Variants in ASXL1 observed in about 807,000 individuals in gnomAD.
ASXL1 encodes the protein polycomb group protein ASXL1.
In ASXL1, 65 loss-of-function variants were observed where a neutral mutation model predicts 89.1. That is an observed-to-expected ratio of 0.73 (90% CI 0.60 to 0.90). The LOEUF (loss-of-function observed/expected upper bound fraction) is 0.90, where lower values mean the gene tolerates loss of function less well. ASXL1 is among the 40% of genes least tolerant of loss of function. The probability of loss-of-function intolerance (pLI) is 0.00; values close to 1 mark genes in which losing one functional copy is unlikely to be tolerated. For missense variants in ASXL1, 1,786 were observed against 1,942.9 expected, an observed-to-expected ratio of 0.92 and a Z score of 1.52; for synonymous variants, 739 against 746.9, an observed-to-expected ratio of 0.99 and a Z score of 0.17.
Position 32,405,811 on chromosome 20 carries a change from T to C in ASXL1, c.253-22317T>C, listed in dbSNP as rs911504271. ...TAGTGTGTCCTGTCAGGTAGCTCTT[T>C]ATTTCAGTTTTTTCCTATTATTGAT... is the stretch of plus-strand genomic sequence containing the variant. On this transcript the variant is annotated intron_variant, in intron 4 of 12. Transcript: ENST00000375687. Among the ~76,000 whole-genome samples the C allele has an allele frequency of 1.5e-4, 8 of 54,326 alleles. No individual in the cohort carries two copies. In the South Asian group the frequency reaches 0.01, roughly 70 times the overall value. 35.6% of individuals were successfully genotyped at this position (54,326 alleles called of 152,430 possible). A position where few individuals can be genotyped will look rare whatever the true frequency, so the allele number is the denominator to read the frequency against.
intron 4 of ASXL1, among the ~76,000 whole-genome samples, chr20:32,386,433 T>G (rs928990642): frequency 1.3e-5 from 2 of 152,110 alleles, no homozygotes; most frequent in African/African-American, 4.8e-5. Context: ...TACTTTTTTT[T>G]TTGAGACAGA....
chr20:32,382,138 T>A (rs1352383269), intron 4 of ASXL1, among the ~76,000 whole-genome samples: 1 of 151,734 alleles, frequency 6.6e-6, no homozygotes, highest in East Asian at 1.9e-4. Context: ...ATTTTTTATT[T>A]TTTATTTTTA....
intron 4 of ASXL1, among the ~76,000 whole-genome samples, chr20:32,413,173 T>TTTG (rs200573508): frequency 1.3e-5 from 2 of 152,134 alleles, no homozygotes; most frequent in Admixed American, 6.5e-5. Flanking sequence ...GCACGCAGAT[T>TTTG]TTGTTGTTGT....
chr20:32,426,554 C>CTTTTTTTTTTTTTTTTTT (rs1177815042), intron 4 of ASXL1, among the ~76,000 whole-genome samples: 4 of 83,954 alleles, frequency 4.8e-5, no homozygotes, highest in African/African-American at 9.1e-5. Flanking sequence ...TTTTTTCTTT[C>CTTTTTTTTTTTTTTTTTT]TTTTTTTTTT....
At chr20:32,434,163 A>T (rs940537140) in intron 12 of ASXL1, 18 of 710,102 alleles carry the variant, frequency 2.5e-5, no homozygotes, top group African/African-American at 2.3e-4. Context: ...AAATCTTTTT[A>T]AGATAGCATT....
chr20:32,379,449 C>A (rs2048448895), intron 4 of ASXL1, among the ~76,000 whole-genome samples: 1 of 151,314 alleles, frequency 6.6e-6, no homozygotes, highest in Non-Finnish European at 1.5e-5. Context: ...TTCATGTGAT[C>A]CACCTGCCTT....
intron 4 of ASXL1, among the ~76,000 whole-genome samples, chr20:32,411,523 C>T (rs1175004040): frequency 5.5e-5 from 8 of 146,692 alleles, no homozygotes; most frequent in South Asian, 4.5e-4. Flanking sequence ...CCACTGTGCC[C>T]GGCCATGGAT....
At chr20:32,372,444 G>T in intron 4 of ASXL1, 1 of 1,063,658 alleles carries the variant, frequency 9.4e-7, no homozygotes. Flanking sequence ...TGCTTGGTTG[G>T]TTCCTCTAGT....
In ASXL1 at chr20:32,429,998, C is replaced by T. The variant is rs770024640; in HGVS notation, c.663C>T (p.Ala221=). Residue 221 remains alanine, a synonymous_variant, in exon 8 of 13, where the codon GCC becomes GCT. Coordinates refer to ENST00000375687, the MANE Select transcript of ASXL1 (RefSeq NM_015338.6). The surrounding 1 kb of genome is among the most constrained non-coding windows in gnomAD (Gnocchi z 4.9). ...ALGSAAIRGQ[A]EVTQDPAPLL... ...GCAGCGCTGCTATTCGTGGCCAGGC[C>T]GAGGTCACCCAGGACCCTGCCCCGC... 1.9e-5 allele frequency: 30 copies of T among 1,608,314 alleles called. No individual in the cohort carries two copies. The highest frequency in any genetic ancestry group is 2.3e-5 in the Non-Finnish European group (27 of 1,179,946).
At chr20:32,363,696 C>T (rs2048160233) in intron 1 of ASXL1, among the ~76,000 whole-genome samples, 1 of 152,092 alleles carries the variant, frequency 6.6e-6, no homozygotes, top group South Asian at 2.1e-4. Context: ...GGAAGGCTTC[C>T]TGGAGGAAGG....
intron 4 of ASXL1, among the ~76,000 whole-genome samples, chr20:32,422,937 T>C (rs141558808): frequency 6.6e-6 from 1 of 152,254 alleles, no homozygotes; most frequent in African/African-American, 2.4e-5. Flanking sequence ...TTATTAATTT[T>C]TTTAAAAGCT....
Position 32,435,297 on chromosome 20 carries a change from TTGA to T in ASXL1, c.2589_2591del (p.Asp864del). On this transcript the variant is annotated inframe_deletion, in exon 13 of 13. Transcript: ENST00000375687. ...ACTGATTGCCTGCAGAACAGAGCAT[TTGA>T]TGACGAATTAGGGCTTGGTGGCTCA... The T allele has an allele frequency of 6.2e-7, 1 of 1,614,130 alleles. No homozygotes were observed. The highest frequency in any genetic ancestry group is 8.5e-7 in the Non-Finnish European group (1 of 1,180,036).
At chr20:32,407,665 A>T (rs146725562) in intron 4 of ASXL1, among the ~76,000 whole-genome samples, 3 of 152,004 alleles carry the variant, frequency 2.0e-5, no homozygotes, top group Non-Finnish European at 4.4e-5. Context: ...ACGTCTCACT[A>T]TGTTGCCTAG....
chr20:32,413,010 G>A (rs2049077084), intron 4 of ASXL1, among the ~76,000 whole-genome samples: 1 of 152,158 alleles, frequency 6.6e-6, no homozygotes, highest in African/African-American at 2.4e-5. Flanking sequence ...TCTAAATGCT[G>A]GTGGTACATG....
At chr20:32,431,225 G>A (rs1334483768) in intron 8 of ASXL1, 96 bp from the exon 9 acceptor site, 2 of 1,465,546 alleles carry the variant, frequency 1.4e-6, no homozygotes, top group Non-Finnish European at 9.5e-7. Flanking sequence ...ATAACTCCTG[G>A]GTAGCTTGGG....
chr20:32,406,740 T>C (rs754827730), intron 4 of ASXL1, among the ~76,000 whole-genome samples: 13 of 152,140 alleles, frequency 8.5e-5, no homozygotes, highest in African/African-American at 2.2e-4. Flanking sequence ...TTCTCCCATA[T>C]ACATGCCCTT....
At chr20:32,375,674 T>TTG (rs2048365749) in intron 4 of ASXL1, among the ~76,000 whole-genome samples, 1 of 151,664 alleles carries the variant, frequency 6.6e-6, no homozygotes, top group Admixed American at 6.6e-5. Context: ...TAGTTTGTTT[T>TTG]TTTTGTTTTG....
rs139115934 is a variant in ASXL1 at position 32,436,018 on chromosome 20, G to T, written c.3306G>T (p.Glu1102Asp). ...VCLSMPGSSV[E>D]ATNPLVMQLL... is the part of the protein sequence containing the mutation. ...TGTCCATGCCTGGGTCCTCAGTGGAGGCCACTAACCCACTTGTGATGCAGT... is the reference window on the plus strand; with the variant it reads ...TGTCCATGCCTGGGTCCTCAGTGGATGCCACTAACCCACTTGTGATGCAGT... The change falls in exon 13 of 13, where the codon GAG (glutamate) becomes GAT (aspartate). Residue 1102 changes from glutamate (E) to aspartate (D), a missense_variant. This residue lies in a region of ASXL1 where 1,418 missense variants were observed against 1,427.8 expected (regional missense o/e 0.99). Coordinates refer to ENST00000375687, the MANE Select transcript of ASXL1 (RefSeq NM_015338.6). The T allele has an allele frequency of 0.01, 16,911 of 1,614,144 alleles. 134 individuals are homozygous for T. The highest frequency in any genetic ancestry group is 0.012 in the Non-Finnish European group (13,722 of 1,180,042).
intron 4 of ASXL1, among the ~76,000 whole-genome samples, chr20:32,425,066 T>C (rs1234879474): frequency 1.3e-5 from 2 of 152,246 alleles, no homozygotes; most frequent in African/African-American, 4.8e-5. Flanking sequence ...GCATTCCTAA[T>C]GCTGTAGTTT....
Sources: allele counts gnomAD v4.1 joint callset (sites outside exome capture counted in the v4.1 genomes callset), GRCh38; gene constraint gnomAD v4.1.1; regional missense constraint gnomAD v4.1.1; non-coding constraint Gnocchi (gnomAD v3.1); transcripts MANE v1.5; gene names NCBI Gene and HGNC (gene_info 2026-07-23, HGNC 2026-07-21).